ARHGAP24: variants seen among roughly 807,000 people sequenced by gnomAD.
The protein encoded by ARHGAP24 is Rho GTPase activating protein 24, also known as rho GTPase-activating protein 24.
Under a neutral mutation model 76.4 loss-of-function variants are expected in ARHGAP24, and 50 were observed. The observed-to-expected ratio is 0.65, with a 90% CI of 0.52 to 0.83. The LOEUF (loss-of-function observed/expected upper bound fraction) is 0.83, where lower values mean the gene tolerates loss of function less well. ARHGAP24 is among the 40% of genes least tolerant of loss of function. ARHGAP24 has a pLI of 0.00. For missense variants in ARHGAP24, 930 were observed against 914.2 expected (o/e 1.02, Z -0.22); for synonymous variants, 345 against 323.3 (o/e 1.07, Z -0.72).
intron 5 of ARHGAP24, among the ~76,000 whole-genome samples, chr4:85,947,538 C>G (rs1293203430): frequency 1.3e-5 from 2 of 152,170 alleles, no homozygotes; most frequent in East Asian, 3.8e-4. Flanking sequence ...TTTGGGGGAA[C>G]ACAAGCATTT....
chr4:85,768,278 G>T (rs1001285006), intron 3 of ARHGAP24, among the ~76,000 whole-genome samples: 1 of 152,030 alleles, frequency 6.6e-6, no homozygotes, highest in African/African-American at 2.4e-5. Flanking sequence ...ATCTAAAGTC[G>T]TCCACAAGTA....
intron 3 of ARHGAP24, among the ~76,000 whole-genome samples, chr4:85,737,289 T>G (rs1725640888): frequency 6.6e-6 from 1 of 152,178 alleles, no homozygotes; most frequent in African/African-American, 2.4e-5. Flanking sequence ...ACCTGTAGAC[T>G]CTAGTGGATT....
intron 3 of ARHGAP24, among the ~76,000 whole-genome samples, chr4:85,837,117 G>A (rs1730334283): frequency 6.6e-6 from 1 of 152,252 alleles, no homozygotes; most frequent in Non-Finnish European, 1.5e-5. Flanking sequence ...TAGGAGTTAA[G>A]TGTTGATGAC....
intron 3 of ARHGAP24, among the ~76,000 whole-genome samples, chr4:85,791,272 A>G (rs1728108263): frequency 6.6e-6 from 1 of 152,156 alleles, no homozygotes; most frequent in African/African-American, 2.4e-5. Flanking sequence ...CTTATCATCA[A>G]TGTGTTCAGT....
chr4:85,918,657 A>G (rs1288427045), intron 3 of ARHGAP24, among the ~76,000 whole-genome samples: 1 of 152,106 alleles, frequency 6.6e-6, no homozygotes, highest in Non-Finnish European at 1.5e-5. Flanking sequence ...TAATTTTTGT[A>G]AAAGTTGATC....
At chr4:85,731,267 G>T (rs116126845) in intron 3 of ARHGAP24, among the ~76,000 whole-genome samples, 2,014 of 152,054 alleles carry the variant, frequency 0.013, 38 homozygotes, top group African/African-American at 0.045. Context: ...GAAGAAATGG[G>T]GTTATAGGTT....
chr4:85,997,264 AG>A (rs1740715462), intron 9 of ARHGAP24, among the ~76,000 whole-genome samples: 1 of 152,034 alleles, frequency 6.6e-6, no homozygotes, highest in African/African-American at 2.4e-5. Context: ...ATGGATGGAT[AG>A]ATAGGTAGGT....
At chr4:85,488,350 A>C (rs1005340269) in intron 1 of ARHGAP24, among the ~76,000 whole-genome samples, 5 of 152,152 alleles carry the variant, frequency 3.3e-5, no homozygotes, top group Non-Finnish European at 5.9e-5. Flanking sequence ...AGAAGAATAA[A>C]ATTACAGAAA....
intron 3 of ARHGAP24, among the ~76,000 whole-genome samples, chr4:85,853,081 G>C (rs1731331330): frequency 6.6e-6 from 1 of 152,228 alleles, no homozygotes; most frequent in Non-Finnish European, 1.5e-5. Context: ...TGCCACCAGA[G>C]GTGGAGTCTA....
At chr4:85,908,029 C>T (rs1284079256) in intron 3 of ARHGAP24, among the ~76,000 whole-genome samples, 1 of 152,148 alleles carries the variant, frequency 6.6e-6, no homozygotes, top group African/African-American at 2.4e-5. Context: ...ACCAACTCAA[C>T]TTGAAAAAGC....
chr4:85,913,874 G>A (rs1735220532), intron 3 of ARHGAP24, among the ~76,000 whole-genome samples: 1 of 152,102 alleles, frequency 6.6e-6, no homozygotes, highest in South Asian at 2.1e-4. Context: ...TTTTTAAAAT[G>A]GATTTGAACA....
intron 2 of ARHGAP24, among the ~76,000 whole-genome samples, chr4:85,592,829 T>A (rs1452628198): frequency 6.6e-6 from 1 of 152,234 alleles, no homozygotes; most frequent in Non-Finnish European, 1.5e-5. Flanking sequence ...TGTCATTCTT[T>A]TTAAAGGCTG....
chr4:85,862,534 T>C (rs1470607393), intron 3 of ARHGAP24, among the ~76,000 whole-genome samples: 1 of 152,078 alleles, frequency 6.6e-6, no homozygotes, highest in Non-Finnish European at 1.5e-5. Context: ...CCACAGGGAC[T>C]CATATATAGA....
At chr4:85,975,510 T>C (rs1315917408) in intron 7 of ARHGAP24, 1 of 152,816 alleles carries the variant, frequency 6.5e-6, no homozygotes, top group Non-Finnish European at 1.5e-5. Context: ...TCAAAGACAT[T>C]TGTAACTGAA....
chr4:85,820,523 TA>T (rs928324926), intron 3 of ARHGAP24, among the ~76,000 whole-genome samples: 1 of 152,178 alleles, frequency 6.6e-6, no homozygotes, highest in African/African-American at 2.4e-5. Flanking sequence ...TCTAACTGAC[TA>T]TTGGGTTTTA....
At chr4:85,540,913 C>T (rs935225912) in intron 1 of ARHGAP24, among the ~76,000 whole-genome samples, 6 of 152,054 alleles carry the variant, frequency 3.9e-5, no homozygotes, top group Admixed American at 2.6e-4. Context: ...AGATGTCTTA[C>T]TCCTTACAAA....
At chr4:85,985,977 T>A (rs1268258541) in intron 8 of ARHGAP24, among the ~76,000 whole-genome samples, 3 of 152,200 alleles carry the variant, frequency 2.0e-5, no homozygotes, top group African/African-American at 4.8e-5. Flanking sequence ...TAACCCATAA[T>A]AGTTATTTTT....
At chr4:85,853,177 C>T (rs1056326738) in intron 3 of ARHGAP24, among the ~76,000 whole-genome samples, 1 of 152,198 alleles carries the variant, frequency 6.6e-6, no homozygotes, top group East Asian at 1.9e-4. Flanking sequence ...TAAGCCTCAG[C>T]AATGGTGGAC....
intron 3 of ARHGAP24, among the ~76,000 whole-genome samples, chr4:85,757,779 G>A (rs1726569060): frequency 6.6e-6 from 1 of 152,174 alleles, no homozygotes; most frequent in Non-Finnish European, 1.5e-5. Flanking sequence ...CTAGATCCTT[G>A]AGGAATCACC....
Sources: allele counts gnomAD v4.1 joint callset (sites outside exome capture counted in the v4.1 genomes callset), GRCh38; gene constraint gnomAD v4.1.1; transcripts MANE v1.5; gene names NCBI Gene and HGNC (gene_info 2026-07-23, HGNC 2026-07-21).